ABCD3: variants seen among roughly 807,000 people sequenced by gnomAD.
ABCD3 encodes ATP-binding cassette sub-family D member 3.
In ABCD3, 41 loss-of-function variants were observed where a neutral mutation model predicts 105.5. The observed-to-expected ratio is 0.39, with a 90% CI of 0.30 to 0.50. The LOEUF (loss-of-function observed/expected upper bound fraction) is 0.50, where lower values mean the gene tolerates loss of function less well. Among genes scored for constraint, ABCD3 ranks in the 20% least tolerant of loss-of-function variants. The pLI, the probability that ABCD3 is intolerant of heterozygous loss-of-function variation, is 0.84. For synonymous variants in ABCD3, 258 were observed against 269.0 expected (o/e 0.96, Z 0.40); for missense variants, 622 against 806.3 (o/e 0.77, Z 2.77).
At chr1:94,385,649 T>C in the ABCD3 span, among the ~76,000 whole-genome samples, 1 of 152,224 alleles carries the variant, frequency 6.6e-6, no homozygotes, top group Non-Finnish European at 1.5e-5. Context: ...TTCCTGTCCA[T>C]GGAAAATATG....
At chr1:94,448,010 C>A (rs991330567) in intron 1 of ABCD3, among the ~76,000 whole-genome samples, 1 of 152,170 alleles carries the variant, frequency 6.6e-6, no homozygotes, top group Non-Finnish European at 1.5e-5. Flanking sequence ...TTCAGCTAAT[C>A]AAAAGCAAGT....
the ABCD3 span, among the ~76,000 whole-genome samples, chr1:94,403,885 GT>G: frequency 1.3e-5 from 2 of 152,160 alleles, no homozygotes; most frequent in African/African-American, 4.8e-5. Flanking sequence ...GGTAAATGGT[GT>G]TAAAAGACCA....
intron 1 of ABCD3, among the ~76,000 whole-genome samples, chr1:94,453,607 C>T (rs943411609): frequency 5.3e-5 from 8 of 151,938 alleles, no homozygotes; most frequent in East Asian, 3.9e-4. Flanking sequence ...CGTGAGCCAC[C>T]GCGCCCAGCC....
In ABCD3 at chr1:94,485,684, A is replaced by G. The variant is rs564964593; in HGVS notation, c.898-1858A>G. The stretch of plus-strand genomic sequence containing the variant: ...GTTTTAATCATCATCTTTCCTTAAA[A>G]GTATATATATATTTGCAGTCAACCC... On this transcript the variant is annotated intron_variant, in intron 10 of 22. Transcript: ENST00000370214. Among the ~76,000 whole-genome samples the G allele has an allele frequency of 2.0e-4, 31 of 152,258 alleles. 1 individual carries two copies. Among genetic ancestry groups the G allele is most frequent in the Admixed American group, 3.9e-4 (6 of 15,286 alleles).
the ABCD3 span, among the ~76,000 whole-genome samples, chr1:94,399,964 T>C: frequency 1.3e-5 from 2 of 152,098 alleles, no homozygotes; most frequent in African/African-American, 2.4e-5. Flanking sequence ...GGTGATTGGA[T>C]CACTTGAGCC....
At chr1:94,510,159 GA>G in intron 21 of ABCD3, among the ~76,000 whole-genome samples, 1 of 152,140 alleles carries the variant, frequency 6.6e-6, no homozygotes, top group East Asian at 1.9e-4. Flanking sequence ...ACACTGCTTT[GA>G]ATGCGTCCCA....
rs148599348 is a variant in ABCD3 at position 94,482,271 on chromosome 1, T to C, written c.828-899T>C. 4 of 152,336 alleles carry C rather than the reference T, an allele frequency of 2.6e-5. No individual in the cohort carries two copies. In the East Asian group the frequency reaches 7.7e-4, roughly 29 times the overall value. 9.4% of individuals were successfully genotyped at this position (152,336 alleles called of 1,614,324 possible). On this transcript the variant is annotated intron_variant, in intron 9 of 22. Coordinates refer to ENST00000370214, the MANE Select transcript of ABCD3 (RefSeq NM_002858.4). ...TTTTACTTGAAGTGGTTGAGGTAGGTGGTACCTTGTTTTTATGAAAAACGC... is the reference window on the plus strand; with the variant it reads ...TTTTACTTGAAGTGGTTGAGGTAGGCGGTACCTTGTTTTTATGAAAAACGC...
intron 1 of ABCD3, among the ~76,000 whole-genome samples, chr1:94,424,093 A>C (rs1431074779): frequency 6.6e-6 from 1 of 152,184 alleles, no homozygotes; most frequent in African/African-American, 2.4e-5. Context: ...GGATGGAAAA[A>C]AAAGCATTGA....
At chr1:94,396,813 G>A in the ABCD3 span, among the ~76,000 whole-genome samples, 2 of 152,106 alleles carry the variant, frequency 1.3e-5, no homozygotes, top group African/African-American at 4.8e-5. Flanking sequence ...GCCTGGAACC[G>A]CATGATCTCC....
At position 94,489,835 on chromosome 1, in the gene ABCD3, G is replaced by C. The variant is rs750195963; in HGVS notation, c.1249+19G>C. ...GAAAAGGGTAAATATGAGTGTCACA[G>C]TTTAAGGTCACAATTTTAAGTGTTT... On this transcript the variant is annotated intron_variant, in intron 14 of 22. Transcript: ENST00000370214. 1 of 1,611,898 alleles carries C rather than the reference G, an allele frequency of 6.2e-7. No individual in the cohort carries two copies. Among genetic ancestry groups the C allele is most frequent in the Non-Finnish European group, 8.5e-7 (1 of 1,178,282 alleles).
rs555812430 is a variant in ABCD3 at position 94,486,532 on chromosome 1, A to C, written c.898-1010A>C. 8.5e-5 allele frequency among the ~76,000 whole-genome samples: 13 copies of C among 152,312 alleles called. No homozygotes were observed. The South Asian group carries it at 2.5e-3, about 29-fold the overall frequency. Reference sequence around the variant, plus strand: ...GAAGATACCAAGTTGTTAACAAGCTACCCTGTACTCAGGAAGCCACATTTT... The same window carrying C: ...GAAGATACCAAGTTGTTAACAAGCTCCCCTGTACTCAGGAAGCCACATTTT... On this transcript the variant is annotated intron_variant, in intron 10 of 22. Coordinates refer to ENST00000370214, the MANE Select transcript of ABCD3 (RefSeq NM_002858.4).
chr1:94,440,167 G>A (rs112443564), intron 1 of ABCD3, among the ~76,000 whole-genome samples: 6 of 152,088 alleles, frequency 3.9e-5, no homozygotes, highest in African/African-American at 1.4e-4. Context: ...TTCTTATAAT[G>A]TTGTAAAAGA....
chr1:94,474,768 C>T (rs1424587817), intron 5 of ABCD3, among the ~76,000 whole-genome samples: 1 of 150,254 alleles, frequency 6.7e-6, no homozygotes, highest in Non-Finnish European at 1.5e-5. Flanking sequence ...TATAGAATTC[C>T]GTTGTCTAGG....
At chr1:94,403,278 C>T in the ABCD3 span, among the ~76,000 whole-genome samples, 8 of 152,072 alleles carry the variant, frequency 5.3e-5, no homozygotes, top group Admixed American at 2.6e-4. Flanking sequence ...TGTTGAGAGG[C>T]GTGAGATATC....
intron 16 of ABCD3, among the ~76,000 whole-genome samples, chr1:94,495,783 G>A (rs1649769907): frequency 6.6e-6 from 1 of 152,148 alleles, no homozygotes; most frequent in Non-Finnish European, 1.5e-5. Flanking sequence ...CAAATAAAAC[G>A]TAGCAGGGAA....
chr1:94,444,205 G>A lies in ABCD3; in HGVS notation c.111-14402G>A, dbSNP rs370998452. On this transcript the variant is annotated intron_variant, in intron 1 of 22. Transcript: ENST00000370214. The stretch of plus-strand genomic sequence containing the variant: ...AAATTAGCTGGGCATGGTGGTGTGC[G>A]CCTGTAGTCCAAGCTACTTAGGAGG... Among the ~76,000 whole-genome samples the A allele has an allele frequency of 1.4e-4, 21 of 151,850 alleles. No homozygotes were observed. The South Asian group carries it at 1.7e-3, about 12-fold the overall frequency.
intron 4 of ABCD3, among the ~76,000 whole-genome samples, chr1:94,473,267 C>T (rs1040368505): frequency 1.3e-5 from 2 of 152,284 alleles, no homozygotes; most frequent in Admixed American, 6.5e-5. Context: ...TGAGTAGTTG[C>T]AGCGGAGCCC....
At position 94,491,235 on chromosome 1, in the gene ABCD3, C is replaced by T. The variant is rs149365004; in HGVS notation, c.1374C>T (p.Asp458=). The T allele has an allele frequency of 1.7e-3, 2,741 of 1,611,180 alleles. 4 individuals carry two copies. The highest frequency in any genetic ancestry group is 2.0e-3 in the Non-Finnish European group (2,309 of 1,177,936). The change falls in exon 16 of 23, where the codon GAC becomes GAT. Residue 458 remains aspartate (D), a synonymous_variant. Coordinates refer to ENST00000370214, the MANE Select transcript of ABCD3 (RefSeq NM_002858.4). ...CAAATGGAGATGTTTTGATCCGAGA[C>T]CTTAATTTTGAAGTAAGTTTTTAAA... is the stretch of plus-strand genomic sequence containing the variant. ...ATPNGDVLIR[D]LNFEVRSGAN...
At chr1:94,436,908 G>A (rs1659927879) in intron 1 of ABCD3, among the ~76,000 whole-genome samples, 1 of 152,156 alleles carries the variant, frequency 6.6e-6, no homozygotes, top group African/African-American at 2.4e-5. Flanking sequence ...TTGCTGATAG[G>A]GAGAAAGTTT....
Sources: gnomAD v4.1 joint callset for allele counts (sites outside exome capture counted in the v4.1 genomes callset) on GRCh38, gnomAD v4.1.1 for gene constraint, MANE v1.5 for transcripts, NCBI Gene and HGNC (gene_info 2026-07-23, HGNC 2026-07-21) for gene names.